The following PTPRD variants were observed in gnomAD, a reference collection of about 807,000 sequenced individuals.
The protein encoded by PTPRD is protein tyrosine phosphatase receptor type D.
Under a neutral mutation model 214.5 loss-of-function variants are expected in PTPRD, and 34 were observed. The ratio of observed to expected loss-of-function variants is 0.16; its 90% confidence interval spans 0.12 to 0.21. PTPRD has a LOEUF of 0.21. PTPRD is among the 10% of genes least tolerant of loss of function. PTPRD has a pLI of 1.00. For missense variants in PTPRD, 2,545 were observed against 2,398.7 expected (o/e 1.06, Z -1.27); for synonymous variants, 1,128 against 845.7 (o/e 1.33, Z -5.79).
chr9:8,320,020 A>T (rs1307140520), intron 44 of PTPRD, 54 bp from the exon 45 acceptor site: 1 of 1,589,710 alleles, frequency 6.3e-7, no homozygotes, highest in Non-Finnish European at 8.5e-7. Context: ...AGTCTTGGCC[A>T]CATTTGCTTG....
intron 11 of PTPRD, among the ~76,000 whole-genome samples, chr9:8,986,928 G>A (rs7871147): frequency 0.019 from 2,827 of 152,122 alleles, 85 homozygotes; most frequent in African/African-American, 0.063. Flanking sequence ...TGAGGACTAA[G>A]GAGGCTGAAT....
chr9:8,500,558 G>GGAAAA (rs2097373754), intron 24 of PTPRD, among the ~76,000 whole-genome samples, 196 bp downstream of exon 24: 19 of 14,316 alleles, frequency 1.3e-3, no homozygotes, highest in South Asian at 0.012. Context: ...TGAAAAAAAT[G>GGAAAA]AAAAAAAAAA....
chr9:9,142,903 T>C (rs74618005), intron 10 of PTPRD, among the ~76,000 whole-genome samples: 6,030 of 152,218 alleles, frequency 0.04, 417 homozygotes, highest in African/African-American at 0.13. Context: ...TCTGGCTTCC[T>C]GTTGAGTTCA....
intron 3 of PTPRD, among the ~76,000 whole-genome samples, chr9:10,102,603 A>G (rs1030193132): frequency 1.3e-5 from 2 of 151,570 alleles, no homozygotes; most frequent in African/African-American, 4.8e-5. Context: ...ATTCTAATCA[A>G]ATATTGAATT....
chr9:9,051,131 T>C (rs1261799095), intron 10 of PTPRD, among the ~76,000 whole-genome samples: 1 of 152,160 alleles, frequency 6.6e-6, no homozygotes, highest in Non-Finnish European at 1.5e-5. Context: ...CTGTACATAT[T>C]CTATATTTAA....
chr9:9,975,733 C>T (rs4741003), intron 4 of PTPRD, among the ~76,000 whole-genome samples: 116,133 of 152,040 alleles, frequency 0.76, 44,915 homozygotes, highest in Middle Eastern at 0.89. Flanking sequence ...CAATAGAGCC[C>T]GTAGATACAC....
chr9:9,720,727 GAT>G (rs2097920588), intron 7 of PTPRD, among the ~76,000 whole-genome samples: 1 of 152,032 alleles, frequency 6.6e-6, no homozygotes, highest in African/African-American at 2.4e-5. Context: ...CAATAGCAAA[GAT>G]ATGGAATCAA....
chr9:10,132,083 A>G (rs984869272), intron 3 of PTPRD, among the ~76,000 whole-genome samples: 3 of 152,182 alleles, frequency 2.0e-5, no homozygotes, highest in Non-Finnish European at 4.4e-5. Context: ...GGCAAAATTC[A>G]TCACTGAGAT....
At chr9:10,119,245 G>C (rs1209654820) in intron 3 of PTPRD, among the ~76,000 whole-genome samples, 1 of 151,802 alleles carries the variant, frequency 6.6e-6, no homozygotes, top group East Asian at 1.9e-4. Context: ...AATCCTATAA[G>C]GCAGAGATTA....
chr9:10,409,697 T>G (rs2098414507), intron 2 of PTPRD, among the ~76,000 whole-genome samples: 1 of 151,840 alleles, frequency 6.6e-6, no homozygotes, highest in African/African-American at 2.4e-5. Flanking sequence ...TGCCTTTATG[T>G]AGGCCAGGTG....
At chr9:9,967,130 C>T (rs1193218070) in intron 4 of PTPRD, among the ~76,000 whole-genome samples, 2 of 152,132 alleles carry the variant, frequency 1.3e-5, no homozygotes, top group South Asian at 2.1e-4. Flanking sequence ...GTCAGTCTGC[C>T]TGGGACCCAT....
At chr9:10,450,826 T>C (rs1486212964) in intron 2 of PTPRD, among the ~76,000 whole-genome samples, 1 of 151,968 alleles carries the variant, frequency 6.6e-6, no homozygotes, top group Non-Finnish European at 1.5e-5. Context: ...AAAAAATTGT[T>C]GGCTGTTATT....
chr9:9,887,809 C>G (rs1257322460), intron 5 of PTPRD, among the ~76,000 whole-genome samples: 1 of 151,942 alleles, frequency 6.6e-6, no homozygotes, highest in African/African-American at 2.4e-5. Context: ...TTTTAAAATA[C>G]TCTTTCGTAC....
At chr9:8,623,840 C>G (rs1417064529) in intron 14 of PTPRD, among the ~76,000 whole-genome samples, 1 of 151,866 alleles carries the variant, frequency 6.6e-6, no homozygotes, top group Non-Finnish European at 1.5e-5. Flanking sequence ...ACACCCATAA[C>G]TACACCTTCT....
At chr9:10,230,798 C>G (rs765128343) in intron 3 of PTPRD, among the ~76,000 whole-genome samples, 1 of 152,044 alleles carries the variant, frequency 6.6e-6, no homozygotes, top group Non-Finnish European at 1.5e-5. Flanking sequence ...ACCATTGTTA[C>G]TTATATGCAT....
Position 10,425,450 on chromosome 9 carries a change from C to T in PTPRD, c.-599-84433G>A, listed in dbSNP as rs2098604506. Among the ~76,000 whole-genome samples the T allele has an allele frequency of 5.3e-5, 8 of 151,870 alleles. No homozygotes were observed. The Admixed American group carries it at 5.3e-4, about 10-fold the overall frequency. ...GCAACCTTTCTCTCTATCTCTCTCC[C>T]CCTGTGCTCTATTTATCATCAGTAA... On this transcript the variant is annotated intron_variant, in intron 2 of 45. Transcript: ENST00000381196.
chr9:8,508,807 T>C (rs2097595061), intron 21 of PTPRD, among the ~76,000 whole-genome samples: 1 of 152,172 alleles, frequency 6.6e-6, no homozygotes, highest in Non-Finnish European at 1.5e-5. Flanking sequence ...TAAAGCAGTC[T>C]GCAAGAATGA....
chr9:8,995,522 G>A (rs949849916), intron 11 of PTPRD, among the ~76,000 whole-genome samples: 7 of 152,030 alleles, frequency 4.6e-5, no homozygotes, highest in African/African-American at 1.7e-4. Context: ...GACACATGAA[G>A]GTGTATGGGG....
intron 8 of PTPRD, among the ~76,000 whole-genome samples, chr9:9,564,884 G>GGT (rs2083968412): frequency 1.6e-3 from 77 of 48,842 alleles, no homozygotes; most frequent in Non-Finnish European, 2.5e-3. Flanking sequence ...TGAATCTTCT[G>GGT]TTTTTTTTTT....
Sources: gnomAD v4.1 joint callset for allele counts (sites outside exome capture counted in the v4.1 genomes callset) on GRCh38, gnomAD v4.1.1 for gene constraint, MANE v1.5 for transcripts, NCBI Gene and HGNC (gene_info 2026-07-23, HGNC 2026-07-21) for gene names.